Variants in MINDY3 observed in about 807,000 individuals in gnomAD.
MINDY3 encodes ubiquitin carboxyl-terminal hydrolase MINDY-3.
In MINDY3, 38 loss-of-function variants were observed where a neutral mutation model predicts 69.2. The ratio of observed to expected loss-of-function variants is 0.55; its 90% CI spans 0.42 to 0.72. The LOEUF (loss-of-function observed/expected upper bound fraction) is 0.72, where lower values mean the gene tolerates loss of function less well. Ranked by LOEUF, MINDY3 falls within the 30% of genes least tolerant of loss-of-function variation. The pLI is 0.00. For synonymous variants in MINDY3, 192 were observed against 180.1 expected (o/e 1.07, Z -0.53); for missense variants, 522 against 519.0 (o/e 1.01, Z -0.06).
intron 10 of MINDY3, among the ~76,000 whole-genome samples, chr10:15,803,842 A>C (rs77304738): frequency 6.6e-6 from 1 of 152,092 alleles, no homozygotes; most frequent in African/African-American, 2.4e-5. Flanking sequence ...CACACACACA[A>C]AAAACCCCAC....
intron 11 of MINDY3, among the ~76,000 whole-genome samples, chr10:15,791,532 C>G (rs1837414520): frequency 6.6e-6 from 1 of 151,726 alleles, no homozygotes; most frequent in Non-Finnish European, 1.5e-5. Context: ...AGAATGGGGA[C>G]TATGAGGCAG....
intron 8 of MINDY3, among the ~76,000 whole-genome samples, chr10:15,827,638 C>T (rs746396581): frequency 2.2e-4 from 33 of 151,934 alleles, no homozygotes; most frequent in Non-Finnish European, 3.8e-4. Context: ...GGCTGGGTGA[C>T]AATATTTGCA....
Position 15,782,198 on chromosome 10 carries a change from A to G in MINDY3, c.1145T>C (p.Val382Ala), listed in dbSNP as rs1380134293. 1 of 1,610,168 alleles carries G rather than the reference A, an allele frequency of 6.2e-7. No individual in the cohort carries two copies. The highest frequency in any genetic ancestry group is 8.5e-7 in the Non-Finnish European group (1 of 1,177,502). The change falls in exon 14 of 15, where the codon GTC becomes GCC. Residue 382 changes from valine to alanine, a missense_variant. Transcript: ENST00000277632. ...QGSSGPESFT[V>A]YHYNGLKQSN... ...CTGCTTCAATCCATTGTAGTGGTAG[A>G]CAGTAAAAGATTCTGGACCACTGGA...
intron 10 of MINDY3, among the ~76,000 whole-genome samples, chr10:15,815,542 A>G (rs938651678): frequency 3.9e-5 from 6 of 152,240 alleles, no homozygotes; most frequent in African/African-American, 1.4e-4. Context: ...AGTAATCAGG[A>G]AAGCACATCA....
chr10:15,824,338 G>T (rs963930568), intron 8 of MINDY3, among the ~76,000 whole-genome samples: 1 of 151,900 alleles, frequency 6.6e-6, no homozygotes, highest in Non-Finnish European at 1.5e-5. Context: ...ATCTCATTGT[G>T]GTTTTGATTT....
intron 2 of MINDY3, among the ~76,000 whole-genome samples, chr10:15,846,909 G>C (rs748788406): frequency 6.6e-6 from 1 of 151,980 alleles, no homozygotes; most frequent in Non-Finnish European, 1.5e-5. Flanking sequence ...ATTTTTAGTA[G>C]AGACGGGGTT....
chr10:15,804,549 C>T (rs1838493577), intron 10 of MINDY3, among the ~76,000 whole-genome samples: 2 of 152,072 alleles, frequency 1.3e-5, no homozygotes, highest in African/African-American at 4.8e-5. Context: ...CCAAGAGCAT[C>T]GTCATCTAAC....
intron 8 of MINDY3, among the ~76,000 whole-genome samples, chr10:15,828,604 C>A (rs898945249): frequency 6.6e-6 from 1 of 151,558 alleles, no homozygotes; most frequent in Non-Finnish European, 1.5e-5. Context: ...TAACAGATGC[C>A]TAAAATTTTA....
At chr10:15,818,317 T>TAA (rs75890684) in intron 9 of MINDY3, among the ~76,000 whole-genome samples, 179 of 135,504 alleles carry the variant, frequency 1.3e-3, no homozygotes, top group African/African-American at 4.7e-3. Context: ...AAGGTAGAAG[T>TAA]AAAAAAAAAA....
At chr10:15,809,259 T>A (rs1467184683) in intron 10 of MINDY3, among the ~76,000 whole-genome samples, 1 of 152,192 alleles carries the variant, frequency 6.6e-6, no homozygotes, top group East Asian at 1.9e-4. Context: ...ATGAAAGACC[T>A]GACTCCTAAC....
intron 2 of MINDY3, among the ~76,000 whole-genome samples, chr10:15,845,656 G>A (rs1383704526): frequency 6.6e-6 from 1 of 150,930 alleles, no homozygotes; most frequent in South Asian, 2.1e-4. Flanking sequence ...GCACTACCAT[G>A]TCCAGCTAAT....
At chr10:15,801,425 A>G (rs994554213) in intron 10 of MINDY3, among the ~76,000 whole-genome samples, 2 of 152,148 alleles carry the variant, frequency 1.3e-5, no homozygotes, top group Non-Finnish European at 2.9e-5. Flanking sequence ...AGTTCTATCA[A>G]TGCTGTGTAC....
chr10:15,823,342 G>A (rs1319420813), intron 8 of MINDY3, among the ~76,000 whole-genome samples: 1 of 152,128 alleles, frequency 6.6e-6, no homozygotes, highest in African/African-American at 2.4e-5. Context: ...ATAATATGAT[G>A]TTAATTACCT....
At chr10:15,788,480 G>A (rs1428658786) in intron 12 of MINDY3, among the ~76,000 whole-genome samples, 1 of 151,992 alleles carries the variant, frequency 6.6e-6, no homozygotes, top group Non-Finnish European at 1.5e-5. Flanking sequence ...TGTTGCTTTT[G>A]CTGAACTCTT....
At chr10:15,780,688 T>C (rs986621454) in intron 14 of MINDY3, among the ~76,000 whole-genome samples, 3 of 152,214 alleles carry the variant, frequency 2.0e-5, no homozygotes, top group Non-Finnish European at 2.9e-5. Flanking sequence ...CTTCAAAACA[T>C]ATTTCTGTGA....
intron 1 of MINDY3, among the ~76,000 whole-genome samples, chr10:15,855,076 G>GT (rs2132149867): frequency 6.6e-6 from 1 of 152,166 alleles, no homozygotes; most frequent in Non-Finnish European, 1.5e-5. Context: ...TTTAAATCAT[G>GT]TAACTCAATT....
At chr10:15,821,751 A>G in intron 8 of MINDY3, 25 bp from the exon 9 acceptor site, 3 of 1,599,830 alleles carry the variant, frequency 1.9e-6, no homozygotes, top group Non-Finnish European at 2.6e-6. Flanking sequence ...AACAACAACA[A>G]AAAACGAAAA....
chr10:15,840,505 C>G (rs149820545), intron 4 of MINDY3, among the ~76,000 whole-genome samples: 86 of 151,764 alleles, frequency 5.7e-4, no homozygotes, highest in African/African-American at 2.0e-3. Context: ...AGGGAGGCAA[C>G]AGCACCTTAT....
chr10:15,840,012 G>A (rs553832556), intron 4 of MINDY3, among the ~76,000 whole-genome samples: 7 of 151,704 alleles, frequency 4.6e-5, no homozygotes, highest in African/African-American at 1.4e-4. Flanking sequence ...ATATTTCATA[G>A]TATGCACTCA....
Sources: gnomAD v4.1 joint callset for allele counts (sites outside exome capture counted in the v4.1 genomes callset) on GRCh38, gnomAD v4.1.1 for gene constraint, MANE v1.5 for transcripts, NCBI Gene and HGNC (gene_info 2026-07-23, HGNC 2026-07-21) for gene names.